The following PTPRG variants were observed in gnomAD, a reference collection of about 807,000 sequenced individuals.
PTPRG encodes the protein receptor-type tyrosine-protein phosphatase gamma.
A neutral mutation model predicts 165.3 loss-of-function variants in PTPRG; 102 were observed. The observed-to-expected ratio is 0.62, with a 90% confidence interval of 0.53 to 0.73. The LOEUF (loss-of-function observed/expected upper bound fraction) is 0.73, where lower values mean the gene tolerates loss of function less well. PTPRG is among the 30% of genes least tolerant of loss of function. The pLI is 0.00. For synonymous variants in PTPRG, 675 were observed against 669.5 expected (o/e 1.01, Z -0.13); for missense variants, 1,866 against 1,861.4 (o/e 1.00, Z -0.05).
rs140933326 is a variant in PTPRG at position 62,219,978 on chromosome 3, A to G, written c.2288+995A>G. Among the ~76,000 whole-genome samples, 671 of 152,368 alleles carry G rather than the reference A, an allele frequency of 4.4e-3. 5 individuals carry two copies. Among genetic ancestry groups the G allele is most frequent in the Non-Finnish European group, 5.9e-3 (398 of 68,028 alleles). ...GGGGAGGGGCCCATGGGGGCCTAGC[A>G]GGAGTGTTCAGAGTGGTCAAGGAGA... On this transcript the variant is annotated intron_variant, in intron 13 of 29. Transcript: ENST00000474889. This position sits in a 1 kb window ranked among gnomAD's most constrained non-coding sequence, Gnocchi z 4.5.
At chr3:61,618,295 TA>T (rs1575541407) in intron 1 of PTPRG, among the ~76,000 whole-genome samples, 2 of 152,208 alleles carry the variant, frequency 1.3e-5, no homozygotes, top group East Asian at 3.8e-4. Flanking sequence ...ATACTGAAGT[TA>T]TATCCATTAA....
In PTPRG at chr3:62,271,618, G is replaced by A; in HGVS notation, c.3182+63G>A. On this transcript the variant is annotated intron_variant, in intron 21 of 29. Coordinates refer to ENST00000474889, the MANE Select transcript of PTPRG (RefSeq NM_002841.4). This position sits in a 1 kb window ranked among gnomAD's most constrained non-coding sequence, Gnocchi z 4.1. ...AGGGGACTTAGGCCTCAGTGACCTT[G>A]GACCACAATGATTGCTACTGCTTTC... 1 of 1,446,998 alleles carries A rather than the reference G, an allele frequency of 6.9e-7. No homozygotes were observed. Among genetic ancestry groups the A allele is most frequent in the Non-Finnish European group, 9.4e-7 (1 of 1,063,798 alleles). The allele number at this position is 1,446,998 out of a possible 1,614,324, so 89.6% of individuals were successfully genotyped here.
intron 5 of PTPRG, among the ~76,000 whole-genome samples, chr3:62,099,793 CTTTTTTTTTTTT>C (rs759385441): frequency 3.3e-5 from 3 of 90,728 alleles, no homozygotes; most frequent in Non-Finnish European, 6.1e-5. Context: ...AGTGTTAAAT[CTTTTTTTTTTTT>C]TTTTTTTTTT....
chr3:61,681,403 C>T (rs947852354), intron 1 of PTPRG, among the ~76,000 whole-genome samples: 17 of 152,314 alleles, frequency 1.1e-4, no homozygotes, highest in African/African-American at 3.6e-4. Context: ...TTAATTGCAG[C>T]CTTCATTTAC....
chr3:62,030,060 T>G (rs886860372), intron 4 of PTPRG, among the ~76,000 whole-genome samples: 1 of 152,254 alleles, frequency 6.6e-6, no homozygotes, highest in African/African-American at 2.4e-5. Flanking sequence ...ATCATTTGTG[T>G]ATCCTGAATT....
chr3:61,595,102 T>C lies in PTPRG; in HGVS notation c.85+32730T>C, dbSNP rs1197753701. Among the ~76,000 whole-genome samples the C allele has an allele frequency of 7.2e-5, 11 of 152,106 alleles. 1 individual carries two copies. In the East Asian group the frequency reaches 2.1e-3, roughly 29 times the overall value. On this transcript the variant is annotated intron_variant, in intron 1 of 29. Coordinates refer to ENST00000474889, the MANE Select transcript of PTPRG (RefSeq NM_002841.4). ...GACGGTCTACGTTCTTTGGTTTCTGTCTGGACATGCTGCATGTGTCTGTAT... is the reference window on the plus strand; with the variant it reads ...GACGGTCTACGTTCTTTGGTTTCTGCCTGGACATGCTGCATGTGTCTGTAT...
chr3:62,273,294 C>G lies in PTPRG; in HGVS notation c.3318+213C>G, dbSNP rs138275243. On this transcript the variant is annotated intron_variant, in intron 22 of 29. Coordinates refer to ENST00000474889, the MANE Select transcript of PTPRG (RefSeq NM_002841.4). This position sits in a 1 kb window ranked among gnomAD's most constrained non-coding sequence, Gnocchi z 4.1. ...ACATTTGGATTCCTAAATAACTACA[C>G]AAGTACTTACGAAAGAGATACAGTT... is the stretch of plus-strand genomic sequence containing the variant. Among the ~76,000 whole-genome samples, 3 of 152,292 alleles carry G rather than the reference C, an allele frequency of 2.0e-5. No homozygotes were observed. The East Asian group carries it at 5.8e-4, about 29-fold the overall frequency.
At chr3:62,140,685 A>G (rs1703891791) in intron 6 of PTPRG, among the ~76,000 whole-genome samples, 2 of 151,964 alleles carry the variant, frequency 1.3e-5, no homozygotes, top group Non-Finnish European at 2.9e-5. Flanking sequence ...CTTCTCTACT[A>G]AAAATACAAA....
intron 1 of PTPRG, among the ~76,000 whole-genome samples, chr3:61,664,104 C>G (rs1180305350): frequency 1.3e-5 from 2 of 152,182 alleles, no homozygotes; most frequent in East Asian, 3.8e-4. Flanking sequence ...CAGAATTAGC[C>G]TTGGTAATTC....
In PTPRG at chr3:62,254,763, C is replaced by G. The variant is rs752811944; in HGVS notation, c.2468-361C>G. Reference sequence around the variant, plus strand: ...CAACAACAACAACAACAAAGAAAACCCCTGGTGTGATAAAATTTCTTGGCA... The same window carrying G: ...CAACAACAACAACAACAAAGAAAACGCCTGGTGTGATAAAATTTCTTGGCA... On this transcript the variant is annotated intron_variant, in intron 15 of 29. Coordinates refer to ENST00000474889, the MANE Select transcript of PTPRG (RefSeq NM_002841.4). The surrounding 1 kb of genome is among the most constrained non-coding windows in gnomAD (Gnocchi z 4.6). Among the ~76,000 whole-genome samples, 10 of 151,898 alleles carry G rather than the reference C, an allele frequency of 6.6e-5. No homozygotes were observed. Among genetic ancestry groups the G allele is most frequent in the Admixed American group, 3.3e-4 (5 of 15,246 alleles).
intron 1 of PTPRG, among the ~76,000 whole-genome samples, chr3:61,664,346 A>C (rs1291116198): frequency 6.6e-6 from 1 of 152,168 alleles, no homozygotes; most frequent in African/African-American, 2.4e-5. Flanking sequence ...CTGAGCCCAG[A>C]GCTCTTGGTC....
chr3:61,648,182 A>T (rs1335275562), intron 1 of PTPRG, among the ~76,000 whole-genome samples: 1 of 152,236 alleles, frequency 6.6e-6, no homozygotes, highest in Non-Finnish European at 1.5e-5. Flanking sequence ...CCCCATGGTG[A>T]TGAAGACACT....
chr3:62,180,317 G>C (rs1318755054), intron 8 of PTPRG, among the ~76,000 whole-genome samples: 1 of 152,154 alleles, frequency 6.6e-6, no homozygotes, highest in Admixed American at 6.5e-5. Context: ...GTGACCCGCT[G>C]TTTCTTCATA....
At chr3:61,820,603 GTTTTT>G (rs11329820) in intron 2 of PTPRG, among the ~76,000 whole-genome samples, 7 of 65,730 alleles carry the variant, frequency 1.1e-4, no homozygotes, top group East Asian at 9.2e-4. Context: ...CTGTGTCTCT[GTTTTT>G]TTTTTTTTTT....
intron 4 of PTPRG, among the ~76,000 whole-genome samples, chr3:62,034,134 A>G (rs912174029): frequency 3.3e-5 from 5 of 152,206 alleles, no homozygotes; most frequent in Non-Finnish European, 7.3e-5. Context: ...CAACCCCCGC[A>G]TATACCAAAA....
intron 16 of PTPRG, chr3:62,262,554 G>T: frequency 2.7e-6 from 1 of 376,704 alleles, no homozygotes; most frequent in Non-Finnish European, 4.7e-6. Flanking sequence ...TACATCTCAG[G>T]GACTAGGTCA....
In PTPRG at chr3:62,210,985, T is replaced by C. The variant is rs1700345703; in HGVS notation, c.2155+7035T>C. ...CAGGGATTAGCACCCCTAATGCCTA[T>C]GTTGTTGGTGGGTTAACTGTATGCC... On this transcript the variant is annotated intron_variant, in intron 12 of 29. Transcript: ENST00000474889. This position sits in a 1 kb window ranked among gnomAD's most constrained non-coding sequence, Gnocchi z 4.1. Among the ~76,000 whole-genome samples, 1 of 152,204 alleles carries C rather than the reference T, an allele frequency of 6.6e-6. No homozygotes were observed. Among genetic ancestry groups the C allele is most frequent in the South Asian group, 2.1e-4 (1 of 4,828 alleles).
At chr3:62,275,539 T>C (rs1441408258) in intron 23 of PTPRG, among the ~76,000 whole-genome samples, 5 of 152,302 alleles carry the variant, frequency 3.3e-5, no homozygotes, top group South Asian at 2.1e-4. Flanking sequence ...GGGCTGGGCA[T>C]GGTAGATTAC....
At chr3:62,101,490 G>A (rs1702288572) in intron 5 of PTPRG, among the ~76,000 whole-genome samples, 1 of 152,116 alleles carries the variant, frequency 6.6e-6, no homozygotes, top group Non-Finnish European at 1.5e-5. Flanking sequence ...GTTTAATTAT[G>A]GCTTTTGAGC....
Sources: gnomAD v4.1 joint callset for allele counts (sites outside exome capture counted in the v4.1 genomes callset) on GRCh38, gnomAD v4.1.1 for gene constraint, Gnocchi (gnomAD v3.1) non-coding constraint, MANE v1.5 for transcripts, NCBI Gene and HGNC (gene_info 2026-07-23, HGNC 2026-07-21) for gene names.